Variants in FLVCR2 observed in about 807,000 individuals in gnomAD.
FLVCR2 encodes the protein FLVCR choline and putative heme transporter 2.
Under a neutral mutation model 48.9 loss-of-function variants are expected in FLVCR2, and 38 were observed. The ratio of observed to expected loss-of-function variants is 0.78; its 90% CI spans 0.60 to 1.02. The LOEUF is 1.02. Ranked by LOEUF, FLVCR2 falls within the 50% of genes least tolerant of loss-of-function variation. FLVCR2 has a pLI of 0.00. For synonymous variants in FLVCR2, 255 were observed against 257.0 expected (o/e 0.99, Z 0.07); for missense variants, 664 against 663.3 (o/e 1.00, Z -0.01).
intron 1 of FLVCR2, among the ~76,000 whole-genome samples, chr14:75,608,400 G>C (rs1357457079): frequency 2.0e-5 from 3 of 152,186 alleles, no homozygotes; most frequent in African/African-American, 7.2e-5. Flanking sequence ...GAAACTGACC[G>C]CTTGCTGCAG....
At chr14:75,631,602 G>A (rs1459193197) in intron 3 of FLVCR2, 1 of 349,662 alleles carries the variant, frequency 2.9e-6, no homozygotes, top group Non-Finnish European at 5.7e-6. Context: ...AGTTAGCAAA[G>A]CAGCTGTTCC....
chr14:75,602,212 G>A (rs904387778), intron 1 of FLVCR2, among the ~76,000 whole-genome samples: 2 of 152,148 alleles, frequency 1.3e-5, no homozygotes, highest in Non-Finnish European at 2.9e-5. Context: ...TATCCAGCAC[G>A]GTCTCTAGCC....
chr14:75,630,248 T>C (rs529991745), intron 3 of FLVCR2, among the ~76,000 whole-genome samples: 1 of 152,158 alleles, frequency 6.6e-6, no homozygotes, highest in Admixed American at 6.5e-5. Context: ...TGCAGCAGAG[T>C]TGAGAACCTC....
At chr14:75,590,281 G>T (rs1331950048) in intron 1 of FLVCR2, among the ~76,000 whole-genome samples, 3 of 152,204 alleles carry the variant, frequency 2.0e-5, no homozygotes, top group Admixed American at 2.0e-4. Context: ...TGGGGGATCT[G>T]CCCACGTGAC....
At chr14:75,625,229 C>T (rs1429971484) in intron 3 of FLVCR2, among the ~76,000 whole-genome samples, 1 of 149,654 alleles carries the variant, frequency 6.7e-6, no homozygotes, top group African/African-American at 2.6e-5. Flanking sequence ...TTAATGCATG[C>T]ATGCATATAT....
chr14:75,645,843 G>C (rs1205046840), intron 9 of FLVCR2, among the ~76,000 whole-genome samples: 1 of 150,606 alleles, frequency 6.6e-6, no homozygotes, highest in Non-Finnish European at 1.5e-5. Flanking sequence ...ACTTGAACCT[G>C]GGAGGCGGAG....
chr14:75,619,957 T>A (rs1889722668), intron 1 of FLVCR2, among the ~76,000 whole-genome samples: 1 of 152,186 alleles, frequency 6.6e-6, no homozygotes, highest in African/African-American at 2.4e-5. Context: ...AATTAAGATA[T>A]CCTGTGTTGG....
chr14:75,590,019 T>G (rs1888844486), intron 1 of FLVCR2, among the ~76,000 whole-genome samples: 1 of 152,200 alleles, frequency 6.6e-6, no homozygotes, highest in Non-Finnish European at 1.5e-5. Flanking sequence ...GAAAAGAGAT[T>G]TATTCAGCTC....
chr14:75,594,563 G>A (rs1888969414), intron 1 of FLVCR2, among the ~76,000 whole-genome samples: 1 of 152,212 alleles, frequency 6.6e-6, no homozygotes, highest in Admixed American at 6.5e-5. Flanking sequence ...GGAAACCCAT[G>A]ATTGAGGGGC....
chr14:75,611,553 T>G (rs532687296), intron 1 of FLVCR2, among the ~76,000 whole-genome samples: 1 of 152,032 alleles, frequency 6.6e-6, no homozygotes, highest in South Asian at 2.1e-4. Context: ...CTGGGCAACA[T>G]GGTGAAACCC....
chr14:75,631,198 G>A (rs1257259354), intron 3 of FLVCR2, among the ~76,000 whole-genome samples: 1 of 152,138 alleles, frequency 6.6e-6, no homozygotes, highest in African/African-American at 2.4e-5. Flanking sequence ...CCCTCTCGCC[G>A]CCCTTTAGCC....
At chr14:75,615,785 C>T (rs916737652) in intron 1 of FLVCR2, among the ~76,000 whole-genome samples, 5 of 148,912 alleles carry the variant, frequency 3.4e-5, no homozygotes, top group Admixed American at 6.7e-5. Flanking sequence ...TTTGGGAGGC[C>T]GAGGCGGGCG....
chr14:75,586,508 C>T (rs927670777), intron 1 of FLVCR2, among the ~76,000 whole-genome samples: 1 of 152,192 alleles, frequency 6.6e-6, no homozygotes, highest in Non-Finnish European at 1.5e-5. Context: ...AATCCCAGTT[C>T]TTCTCATTGG....
intron 1 of FLVCR2, among the ~76,000 whole-genome samples, chr14:75,593,390 G>A (rs1888933064): frequency 6.6e-6 from 1 of 152,140 alleles, no homozygotes; most frequent in African/African-American, 2.4e-5. Context: ...AGCCTGCAGG[G>A]GGTTGTAGCT....
rs138853227 is a variant in FLVCR2 at position 75,633,658 on chromosome 14, T to C, written c.982T>C (p.Ser328Pro). ...GAATGCTGGTGCTTTTTATGCCTTG[T>C]CCACTCTTCTGAATCGCATGGTGAT... ...GLNAGAFYAL[S>P]TLLNRMVIWH... Residue 328 changes from serine to proline, a missense_variant, in exon 4 of 10, where the codon TCC becomes CCC. Ser to Pro is a moderately conservative substitution (Grantham distance 74). Transcript: ENST00000238667. The C allele has an allele frequency of 2.6e-5, 42 of 1,614,140 alleles. No homozygotes were observed. The highest frequency in any genetic ancestry group is 3.3e-5 in the Non-Finnish European group (39 of 1,179,946).
intron 1 of FLVCR2, among the ~76,000 whole-genome samples, chr14:75,608,542 A>G (rs1323973528): frequency 1.3e-5 from 2 of 152,142 alleles, no homozygotes; most frequent in Non-Finnish European, 2.9e-5. Flanking sequence ...CCCTCAGGAC[A>G]TAGGCCTGGG....
Position 75,646,762 on chromosome 14 carries a change from T to A in FLVCR2, c.*290T>A. 2 of 429,344 alleles carry A rather than the reference T, an allele frequency of 4.7e-6. No homozygotes were observed. Among genetic ancestry groups the A allele is most frequent in the Non-Finnish European group, 8.8e-6 (2 of 227,850 alleles). The allele number at this position is 429,344 out of a possible 1,614,324, so 26.6% of individuals were successfully genotyped here. ...TGGCAGAGAATATTGGAGTCAATCC[T>A]AGCTTGGTCTCTTGCCTTCCCTCTT... is the stretch of plus-strand genomic sequence containing the variant. On this transcript the variant is annotated 3_prime_UTR_variant, in exon 10 of 10. Transcript: ENST00000238667.
intron 9 of FLVCR2, 58 bp from the exon 10 acceptor site, chr14:75,646,343 G>A (rs1361672823): frequency 6.4e-6 from 8 of 1,254,738 alleles, no homozygotes; most frequent in Non-Finnish European, 1.2e-6. Flanking sequence ...AGCTGCTCCA[G>A]CCAGGGTGGA....
chr14:75,646,501 C>T lies in FLVCR2; in HGVS notation c.*29C>T, dbSNP rs757686997. The stretch of plus-strand genomic sequence containing the variant: ...GAAGGTGGTGACAACTCAGGGAACA[C>T]GAACACCCCACCTTTTCCTTCAGCA... On this transcript the variant is annotated 3_prime_UTR_variant, in exon 10 of 10. Coordinates refer to ENST00000238667, the MANE Select transcript of FLVCR2 (RefSeq NM_017791.3). 15 of 1,502,030 alleles carry T rather than the reference C, an allele frequency of 1.0e-5. No homozygotes were observed. The highest frequency in any genetic ancestry group is 4.5e-5 in the East Asian group (2 of 44,370). The allele number at this position is 1,502,030 out of a possible 1,614,324, so 93.0% of individuals were successfully genotyped here. A position where few individuals can be genotyped will look rare whatever the true frequency, so the allele number is the denominator to read the frequency against.
Sources: allele counts gnomAD v4.1 joint callset (sites outside exome capture counted in the v4.1 genomes callset), GRCh38; gene constraint gnomAD v4.1.1; transcripts MANE v1.5; gene names NCBI Gene and HGNC (gene_info 2026-07-23, HGNC 2026-07-21).